COMMD10: variants seen among roughly 807,000 people sequenced by gnomAD.
COMMD10 encodes the protein COMM domain containing 10.
Under a neutral mutation model 28.9 loss-of-function variants are expected in COMMD10, and 33 were observed. The ratio of observed to expected loss-of-function variants is 1.14; its 90% CI spans 0.87 to 1.53. COMMD10 has a LOEUF of 1.53. COMMD10 is among the 40% of genes most tolerant of loss of function. The probability of loss-of-function intolerance (pLI) is 0.00; values close to 1 mark genes in which losing one functional copy is unlikely to be tolerated. For synonymous variants in COMMD10, 110 were observed against 81.7 expected (o/e 1.35, Z -1.87); for missense variants, 310 against 233.4 (o/e 1.33, Z -2.14).
chr5:116,163,948 T>C (rs1375741906), intron 5 of COMMD10, among the ~76,000 whole-genome samples: 2 of 152,216 alleles, frequency 1.3e-5, no homozygotes, highest in Non-Finnish European at 1.5e-5. Flanking sequence ...TTTTCTACCC[T>C]TTCCCATTGA....
chr5:116,270,849 A>G (rs1750733915), intron 5 of COMMD10, among the ~76,000 whole-genome samples: 1 of 151,616 alleles, frequency 6.6e-6, no homozygotes, highest in Non-Finnish European at 1.5e-5. Context: ...TGAGACAGGA[A>G]AATAACTTGT....
chr5:116,290,938 C>A (rs146986062), intron 5 of COMMD10, among the ~76,000 whole-genome samples: 389 of 152,268 alleles, frequency 2.6e-3, no homozygotes, highest in Non-Finnish European at 4.4e-3. Flanking sequence ...AAAGGATTCT[C>A]TAATGCATGT....
intron 5 of COMMD10, among the ~76,000 whole-genome samples, chr5:116,154,448 T>A (rs947669753): frequency 2.6e-5 from 4 of 152,076 alleles, no homozygotes; most frequent in Non-Finnish European, 5.9e-5. Context: ...CACCAGTCAG[T>A]TGTGTTAGTT....
rs183808022 is a variant in COMMD10, at chr5:116,087,742, A to T, written c.132+155A>T. ...GATTTGGTAATGTTTCATGGTCAGA[A>T]GTTTGAGAAACTCTGTCTTCAATAA... On this transcript the variant is annotated intron_variant, in intron 2 of 6. Transcript: ENST00000274458. Among the ~76,000 whole-genome samples, 194 of 152,346 alleles carry T rather than the reference A, an allele frequency of 1.3e-3. 3 individuals carry two copies. The highest frequency in any genetic ancestry group is 5.9e-4 in the Non-Finnish European group (40 of 68,032).
chr5:116,153,263 TC>T (rs1355918556), intron 5 of COMMD10, among the ~76,000 whole-genome samples: 4 of 150,570 alleles, frequency 2.7e-5, no homozygotes, highest in African/African-American at 7.4e-5. Context: ...TATAAGCCTT[TC>T]CCATGAGGAC....
rs1253367901 is a variant in COMMD10, at chr5:116,126,423, A to G, written c.400-7645A>G. Reference sequence around the variant, plus strand: ...TTTCTTCACAGAATTGGAAAAAACTACTTTAAAGTTCATATGGAACCAAAA... The same window carrying G: ...TTTCTTCACAGAATTGGAAAAAACTGCTTTAAAGTTCATATGGAACCAAAA... On this transcript the variant is annotated intron_variant, in intron 4 of 6. Coordinates refer to ENST00000274458, the MANE Select transcript of COMMD10 (RefSeq NM_016144.4). 2.6e-5 allele frequency among the ~76,000 whole-genome samples: 4 copies of G among 152,006 alleles called. No individual in the cohort carries two copies. In the East Asian group the frequency reaches 7.7e-4, roughly 29 times the overall value.
intron 5 of COMMD10, among the ~76,000 whole-genome samples, chr5:116,228,649 G>A (rs578110355): frequency 1.3e-5 from 2 of 152,046 alleles, no homozygotes; most frequent in East Asian, 1.9e-4. Context: ...TTTTGTGGTT[G>A]CATAAATTGT....
intron 4 of COMMD10, among the ~76,000 whole-genome samples, chr5:116,131,626 C>G (rs1751865750): frequency 6.6e-6 from 1 of 151,980 alleles, no homozygotes; most frequent in Non-Finnish European, 1.5e-5. Flanking sequence ...AGTGTTGACT[C>G]TGTCAGAGGC....
intron 5 of COMMD10, among the ~76,000 whole-genome samples, chr5:116,168,955 C>T (rs1753225243): frequency 6.6e-6 from 1 of 151,810 alleles, no homozygotes; most frequent in South Asian, 2.1e-4. Context: ...CAAAAGCTAG[C>T]AGAAGACAAG....
intron 5 of COMMD10, among the ~76,000 whole-genome samples, chr5:116,287,330 C>T (rs1580612643): frequency 6.6e-6 from 1 of 151,430 alleles, no homozygotes; most frequent in African/African-American, 2.4e-5. Flanking sequence ...TATATAATGT[C>T]TTTCTTTGTG....
intron 5 of COMMD10, among the ~76,000 whole-genome samples, chr5:116,148,408 A>G (rs768888639): frequency 5.9e-5 from 9 of 151,760 alleles, no homozygotes; most frequent in Non-Finnish European, 1.2e-4. Flanking sequence ...AGTTTCTTTC[A>G]GACATAAAGA....
intron 5 of COMMD10, among the ~76,000 whole-genome samples, chr5:116,243,761 A>G (rs770585430): frequency 6.6e-6 from 1 of 152,204 alleles, no homozygotes; most frequent in African/African-American, 2.4e-5. Flanking sequence ...ACCTTATTTC[A>G]GAACATCTGA....
At chr5:116,195,729 C>T (rs1243176494) in intron 5 of COMMD10, among the ~76,000 whole-genome samples, 1 of 151,778 alleles carries the variant, frequency 6.6e-6, no homozygotes, top group East Asian at 1.9e-4. Context: ...TAATATTACT[C>T]AAATCAGTAA....
At chr5:116,097,182 A>G (rs1247546174) in intron 4 of COMMD10, among the ~76,000 whole-genome samples, 1 of 152,204 alleles carries the variant, frequency 6.6e-6, no homozygotes, top group South Asian at 2.1e-4. Context: ...AGAAGTTGGA[A>G]TGATCTGATT....
chr5:116,278,858 G>C (rs1446641589), intron 5 of COMMD10, among the ~76,000 whole-genome samples: 1 of 151,734 alleles, frequency 6.6e-6, no homozygotes, highest in Non-Finnish European at 1.5e-5. Context: ...TATATTTTCT[G>C]AGTAAACAAG....
chr5:116,283,147 A>G (rs940874270), intron 5 of COMMD10, among the ~76,000 whole-genome samples: 8 of 151,906 alleles, frequency 5.3e-5, no homozygotes, highest in African/African-American at 9.7e-5. Context: ...GAATCATGCA[A>G]TACTGCAGAT....
intron 5 of COMMD10, among the ~76,000 whole-genome samples, chr5:116,144,232 T>C (rs1752275530): frequency 6.6e-6 from 1 of 151,772 alleles, no homozygotes; most frequent in South Asian, 2.1e-4. Flanking sequence ...ACAAGTAGAA[T>C]TGAAGGAGCT....
rs910178661 is a variant in COMMD10, at chr5:116,213,557, G to C, written c.511-77960G>C. 3.9e-5 allele frequency among the ~76,000 whole-genome samples: 6 copies of C among 152,054 alleles called. No homozygotes were observed. In the East Asian group the frequency reaches 1.2e-3, roughly 29 times the overall value. ...CGTGCATACACATTTTTTCTGTGAA[G>C]GATATATGAGTATTTTCAAGTCTGT... On this transcript the variant is annotated intron_variant, in intron 5 of 6. Transcript: ENST00000274458.
intron 5 of COMMD10, among the ~76,000 whole-genome samples, chr5:116,283,832 T>TA: frequency 6.6e-6 from 1 of 151,924 alleles, no homozygotes; most frequent in African/African-American, 2.4e-5. Flanking sequence ...GAATTCCTGT[T>TA]ACAATTATCA....
Sources: allele counts gnomAD v4.1 joint callset (sites outside exome capture counted in the v4.1 genomes callset), GRCh38; gene constraint gnomAD v4.1.1; transcripts MANE v1.5; gene names NCBI Gene and HGNC (gene_info 2026-07-23, HGNC 2026-07-21).